Variants in CSMD2 observed in about 807,000 individuals in gnomAD.
The protein encoded by CSMD2 is CUB and sushi domain-containing protein 2.
Under a neutral mutation model 398.5 loss-of-function variants are expected in CSMD2, and 130 were observed. The observed-to-expected ratio is 0.33, with a 90% CI of 0.28 to 0.38. The LOEUF (loss-of-function observed/expected upper bound fraction) is 0.38, where lower values mean the gene tolerates loss of function less well. CSMD2 is among the 10% of genes least tolerant of loss of function. The pLI is 1.00. For synonymous variants in CSMD2, 1,828 were observed against 1,908.5 expected, an observed-to-expected ratio of 0.96 and a Z score of 1.10; for missense variants, 3,829 against 4,764.9, an observed-to-expected ratio of 0.80 and a Z score of 5.78.
In CSMD2 at chr1:34,121,994, G is replaced by GTT. The variant is rs35586514; in HGVS notation, c.188-32803_188-32802dup. On this transcript the variant is annotated intron_variant, in intron 1 of 70. Coordinates refer to ENST00000373381, the MANE Select transcript of CSMD2 (RefSeq NM_001281956.2). ...CAGGCAGCTGGAAGGAATTTTTCTGGTTTTTTTTTTTTTTTCTACCTCCTG... is the reference window on the plus strand; with the variant it reads ...CAGGCAGCTGGAAGGAATTTTTCTGGTTTTTTTTTTTTTTTTTCTACCTCCTG... Among the ~76,000 whole-genome samples, 831 of 142,668 alleles carry GTT rather than the reference G, an allele frequency of 5.8e-3. 21 individuals carry two copies. The highest frequency in any genetic ancestry group is 0.04 in the Admixed American group (573 of 14,372). The allele number at this position is 142,668 out of a possible 152,430, so 93.6% of individuals were successfully genotyped here. A position where few individuals can be genotyped will look rare whatever the true frequency, so the allele number is the denominator to read the frequency against.
At chr1:33,632,861 AT>A (rs1642547921) in intron 32 of CSMD2, among the ~76,000 whole-genome samples, 1 of 152,232 alleles carries the variant, frequency 6.6e-6, no homozygotes, top group African/African-American at 2.4e-5. Context: ...CGTTACATAA[AT>A]TTTAACTAAC....
At chr1:34,060,982 G>A (rs1283786511) in intron 2 of CSMD2, among the ~76,000 whole-genome samples, 1 of 152,104 alleles carries the variant, frequency 6.6e-6, no homozygotes, top group Non-Finnish European at 1.5e-5. Flanking sequence ...ACTGGAGACA[G>A]CTATTGCATA....
intron 5 of CSMD2, among the ~76,000 whole-genome samples, chr1:33,906,800 T>C (rs539701936): frequency 5.3e-5 from 8 of 152,066 alleles, no homozygotes; most frequent in African/African-American, 1.7e-4. Context: ...TGGGAGGAAA[T>C]AGGTAGTACC....
intron 6 of CSMD2, among the ~76,000 whole-genome samples, chr1:33,845,957 A>G (rs1298677821): frequency 6.6e-6 from 1 of 152,268 alleles, no homozygotes. Context: ...TAATAGGTAC[A>G]CAATATAAGC....
chr1:33,591,865 T>G (rs1295985777), intron 44 of CSMD2: 1 of 156,128 alleles, frequency 6.4e-6, no homozygotes, highest in Non-Finnish European at 1.4e-5. Context: ...TTGTAATGAC[T>G]GTATCTTTCC....
intron 1 of CSMD2, among the ~76,000 whole-genome samples, chr1:34,120,662 A>G (rs927186297): frequency 2.0e-5 from 3 of 152,150 alleles, no homozygotes; most frequent in African/African-American, 7.2e-5. Context: ...CTCCTGCCTC[A>G]GCCTCCCAAG....
chr1:33,871,902 G>A (rs1229628845), intron 5 of CSMD2, among the ~76,000 whole-genome samples: 2 of 152,134 alleles, frequency 1.3e-5, no homozygotes, highest in Non-Finnish European at 2.9e-5. Context: ...CATCATGCCT[G>A]GCCTCTTCCT....
At chr1:33,568,856 G>C (rs546769135) in intron 52 of CSMD2, among the ~76,000 whole-genome samples, 6 of 152,214 alleles carry the variant, frequency 3.9e-5, no homozygotes, top group South Asian at 4.1e-4. Context: ...GTCCAAGAAA[G>C]GTGTGAGAGG....
intron 49 of CSMD2, among the ~76,000 whole-genome samples, chr1:33,573,848 T>A (rs559041126): frequency 2.0e-5 from 3 of 152,046 alleles, no homozygotes; most frequent in Non-Finnish European, 4.4e-5. Flanking sequence ...AGATTCACCA[T>A]CACGGAATTT....
At chr1:34,151,816 C>A (rs1422025484) in intron 1 of CSMD2, among the ~76,000 whole-genome samples, 2 of 141,644 alleles carry the variant, frequency 1.4e-5, no homozygotes, top group African/African-American at 2.8e-5. Context: ...TCCCTCCCTC[C>A]CCCCCCTTCT....
rs545253577 is a variant in CSMD2, at chr1:33,547,665, A to G, written c.8918-1446T>C. Among the ~76,000 whole-genome samples the G allele has an allele frequency of 5.3e-5, 8 of 152,318 alleles. No individual in the cohort carries two copies. The East Asian group carries it at 1.5e-3, about 29-fold the overall frequency. On this transcript the variant is annotated intron_variant, in intron 56 of 70. Coordinates refer to ENST00000373381, the MANE Select transcript of CSMD2 (RefSeq NM_001281956.2). ...ACTGTGGAAGAGGGATTCATTTTCA[A>G]CCTTCAATGTAAACATTAATAAAAG...
chr1:33,976,651 C>T (rs1038149995), intron 3 of CSMD2, among the ~76,000 whole-genome samples: 17 of 152,244 alleles, frequency 1.1e-4, no homozygotes, highest in Admixed American at 9.1e-4. Context: ...AAATCTTTCC[C>T]GCTGCCCCCT....
intron 58 of CSMD2, 76 bp downstream of exon 58, chr1:33,542,644 A>G (rs1029551272): frequency 2.1e-5 from 28 of 1,360,126 alleles, no homozygotes; most frequent in Non-Finnish European, 2.3e-5. Context: ...ACCATCTTCC[A>G]TGGATAGCCT....
intron 24 of CSMD2, among the ~76,000 whole-genome samples, chr1:33,697,478 A>G (rs1012125684): frequency 6.6e-6 from 1 of 152,102 alleles, no homozygotes; most frequent in Non-Finnish European, 1.5e-5. Context: ...GTCCACTTAG[A>G]CCCTCCATTG....
chr1:33,892,222 A>G (rs537255882), intron 5 of CSMD2, among the ~76,000 whole-genome samples: 2 of 151,960 alleles, frequency 1.3e-5, no homozygotes, highest in Non-Finnish European at 2.9e-5. Context: ...GGCAAACTGG[A>G]GGACACCATG....
chr1:34,086,077 A>G (rs1657852781), intron 2 of CSMD2, among the ~76,000 whole-genome samples: 1 of 151,938 alleles, frequency 6.6e-6, no homozygotes, highest in South Asian at 2.1e-4. Context: ...AGACTCGACC[A>G]CACATGTGGG....
At chr1:33,567,423 G>C (rs529667688) in intron 53 of CSMD2, among the ~76,000 whole-genome samples, 170 bp downstream of exon 53, 2 of 89,778 alleles carry the variant, frequency 2.2e-5, no homozygotes, top group East Asian at 3.2e-4. Context: ...ATGATGCAGA[G>C]AACTGAAAAC....
upstream of CSMD2, chr1:34,165,811 C>T (rs759440401): frequency 1.2e-6 from 2 of 1,607,690 alleles, no homozygotes; most frequent in Non-Finnish European, 1.7e-6. Context: ...TTATGAGCCT[C>T]ATTCACAATA....
At chr1:33,980,705 T>C (rs890083968) in intron 3 of CSMD2, among the ~76,000 whole-genome samples, 6 of 152,206 alleles carry the variant, frequency 3.9e-5, no homozygotes, top group African/African-American at 1.4e-4. Flanking sequence ...CCCTGCTCTC[T>C]AGAAGATTAG....
Sources: allele counts gnomAD v4.1 joint callset (sites outside exome capture counted in the v4.1 genomes callset), GRCh38; gene constraint gnomAD v4.1.1; transcripts MANE v1.5; gene names NCBI Gene and HGNC (gene_info 2026-07-23, HGNC 2026-07-21).